RAB11FIP1: variants seen among roughly 807,000 people sequenced by gnomAD.
The protein encoded by RAB11FIP1 is RAB11 family interacting protein 1.
Under a neutral mutation model 83.1 loss-of-function variants are expected in RAB11FIP1, and 49 were observed. The observed-to-expected ratio is 0.59, with a 90% CI of 0.47 to 0.75. RAB11FIP1 has a LOEUF of 0.75. Among genes scored for constraint, RAB11FIP1 ranks in the 30% least tolerant of loss-of-function variants. The pLI, the probability that RAB11FIP1 is intolerant of heterozygous loss-of-function variation, is 0.00. For missense variants in RAB11FIP1, 1,536 were observed against 1,598.7 expected, an observed-to-expected ratio of 0.96 and a Z score of 0.67; for synonymous variants, 670 against 656.0, an observed-to-expected ratio of 1.02 and a Z score of -0.33.
In RAB11FIP1 at chr8:37,872,258, C is replaced by T. The variant is rs151253127; in HGVS notation, c.2544G>A (p.Ala848=). ...LNPAWSVAGN[A]SDGEPPESPH... ...GAGACTCAGGAGGCTCTCCGTCAGA[C>T]GCGTTTCCAGCAACAGACCATGCAG... is the stretch of plus-strand genomic sequence containing the variant. Residue 848 remains alanine (A), a synonymous_variant, in exon 4 of 6, where the codon GCG becomes GCA. Transcript: ENST00000330843. 930 of 1,613,890 alleles carry T rather than the reference C, an allele frequency of 5.8e-4. 7 individuals are homozygous for T. The African/African-American group carries it at 0.01, about 17-fold the overall frequency.
chr8:37,869,708 T>TA (rs908361227), intron 5 of RAB11FIP1, among the ~76,000 whole-genome samples: 6 of 152,144 alleles, frequency 3.9e-5, no homozygotes, highest in African/African-American at 1.2e-4. Flanking sequence ...AAATGATTTT[T>TA]AAAAAAAATT....
At chr8:37,883,857 A>G (rs888243109) in intron 1 of RAB11FIP1, among the ~76,000 whole-genome samples, 3 of 152,174 alleles carry the variant, frequency 2.0e-5, no homozygotes, top group African/African-American at 7.2e-5. Flanking sequence ...TCCAAAGGGC[A>G]GAAAAAGAGA....
chr8:37,873,238 GAA>G, intron 3 of RAB11FIP1, 59 bp from the exon 4 acceptor site: 1 of 1,492,458 alleles, frequency 6.7e-7, no homozygotes, highest in East Asian at 2.3e-5. Flanking sequence ...GAGAGACAAA[GAA>G]AATACACAAA....
At chr8:37,898,245 T>C (rs542189441) in intron 1 of RAB11FIP1, among the ~76,000 whole-genome samples, 1 of 152,182 alleles carries the variant, frequency 6.6e-6, no homozygotes, top group Non-Finnish European at 1.5e-5. Flanking sequence ...GCGCGGTGGC[T>C]CACGCCTGTA....
intron 1 of RAB11FIP1, among the ~76,000 whole-genome samples, chr8:37,896,038 G>A (rs1048873924): frequency 3.3e-5 from 5 of 152,170 alleles, no homozygotes; most frequent in African/African-American, 9.6e-5. Context: ...CGCCTGGCAC[G>A]GTGGCTCACA....
chr8:37,883,903 C>A (rs1585442118), intron 1 of RAB11FIP1, among the ~76,000 whole-genome samples: 1 of 152,046 alleles, frequency 6.6e-6, no homozygotes, highest in African/African-American at 2.4e-5. Flanking sequence ...ATTTTTAAGC[C>A]CATATTCTGA....
intron 3 of RAB11FIP1, 126 bp from the exon 4 acceptor site, chr8:37,873,305 A>T (rs1446211069): frequency 4.5e-6 from 5 of 1,115,824 alleles, no homozygotes; most frequent in Non-Finnish European, 4.9e-6. Flanking sequence ...TACCTTAAGA[A>T]GTTAAAAAAG....
chr8:37,875,574 C>A (rs899891407), intron 2 of RAB11FIP1, among the ~76,000 whole-genome samples: 8 of 152,106 alleles, frequency 5.3e-5, no homozygotes, highest in African/African-American at 1.9e-4. Flanking sequence ...CTGGGTTAAA[C>A]CAATGAAAAG....
At chr8:37,863,407 G>C (rs1282664062) in intron 5 of RAB11FIP1, among the ~76,000 whole-genome samples, 1 of 152,074 alleles carries the variant, frequency 6.6e-6, no homozygotes, top group African/African-American at 2.4e-5. Context: ...CACCATGCCT[G>C]ACTAATTTTT....
At chr8:37,869,199 G>C (rs1806398861) in intron 5 of RAB11FIP1, among the ~76,000 whole-genome samples, 1 of 145,730 alleles carries the variant, frequency 6.9e-6, no homozygotes. Flanking sequence ...CTCCACTCCA[G>C]CTTGGGCAAC....
intron 5 of RAB11FIP1, among the ~76,000 whole-genome samples, chr8:37,864,221 C>G (rs1225682358): frequency 1.3e-5 from 2 of 152,240 alleles, no homozygotes; most frequent in Non-Finnish European, 2.9e-5. Context: ...ACACACCCTG[C>G]GGAGTCACTG....
At chr8:37,893,623 A>C (rs1041688068) in intron 1 of RAB11FIP1, among the ~76,000 whole-genome samples, 22 of 152,174 alleles carry the variant, frequency 1.4e-4, no homozygotes, top group African/African-American at 5.3e-4. Context: ...CTCTACAAAA[A>C]CAAAACCAAA....
At chr8:37,879,302 C>T (rs1469042584) in intron 1 of RAB11FIP1, among the ~76,000 whole-genome samples, 3 of 151,698 alleles carry the variant, frequency 2.0e-5, no homozygotes. Context: ...GGCGACAGAG[C>T]CAGACTCCAT....
intron 1 of RAB11FIP1, among the ~76,000 whole-genome samples, chr8:37,888,493 T>C (rs1806878314): frequency 6.6e-6 from 1 of 152,156 alleles, no homozygotes; most frequent in Non-Finnish European, 1.5e-5. Context: ...GTATTTGTTT[T>C]CATTTTTTTC....
At position 37,873,080 on chromosome 8, in the gene RAB11FIP1, T is replaced by C. The variant is rs1211936292; in HGVS notation, c.1722A>G (p.Ala574=). ...LPPLPSSSGQ[A]SVPSELGHGA... is the part of the protein sequence containing the mutation. ...CATGTCCCAATTCAGAGGGGACAGATGCCTGGCCAGAGCTAGAAGGAAGAG... is the reference window on the plus strand; with the variant it reads ...CATGTCCCAATTCAGAGGGGACAGACGCCTGGCCAGAGCTAGAAGGAAGAG... Residue 574 remains alanine (A), a synonymous_variant, in exon 4 of 6, where the codon GCA becomes GCG. Coordinates refer to ENST00000330843, the MANE Select transcript of RAB11FIP1 (RefSeq NM_001002814.3). The C allele has an allele frequency of 3.7e-6, 6 of 1,614,004 alleles. No homozygotes were observed. In the Admixed American group the frequency reaches 8.3e-5, roughly 22 times the overall value.
At chr8:37,870,368 A>G in intron 5 of RAB11FIP1, 52 bp downstream of exon 5, 1 of 1,050,480 alleles carries the variant, frequency 9.5e-7, no homozygotes, top group Non-Finnish European at 1.5e-6. Flanking sequence ...GACTATGGAA[A>G]CGGGTGTTCT....
intron 1 of RAB11FIP1, among the ~76,000 whole-genome samples, chr8:37,888,104 G>A (rs1409397879): frequency 1.3e-5 from 2 of 152,186 alleles, no homozygotes; most frequent in South Asian, 2.1e-4. Context: ...CCAAAATTAT[G>A]TATCTGTTTA....
chr8:37,875,494 G>A (rs946546324), intron 2 of RAB11FIP1, among the ~76,000 whole-genome samples, 172 bp from the exon 3 acceptor site: 3 of 152,186 alleles, frequency 2.0e-5, no homozygotes, highest in Non-Finnish European at 2.9e-5. Context: ...ATCTTACAAC[G>A]TATAGCACAG....
At chr8:37,895,240 TATATATATATATATATATA>T (rs1437500381) in intron 1 of RAB11FIP1, among the ~76,000 whole-genome samples, 17 of 9,820 alleles carry the variant, frequency 1.7e-3, no homozygotes, top group African/African-American at 3.6e-3. Context: ...TATATATATA[TATATATATATATATATATA>T]TTTTTTTTTT....
Sources: gnomAD v4.1 joint callset for allele counts (sites outside exome capture counted in the v4.1 genomes callset) on GRCh38, gnomAD v4.1.1 for gene constraint, MANE v1.5 for transcripts, NCBI Gene and HGNC (gene_info 2026-07-23, HGNC 2026-07-21) for gene names.